The following COL5A3 variants were observed in gnomAD, a reference collection of about 807,000 sequenced individuals.
COL5A3 encodes collagen alpha-3(V) chain.
A neutral mutation model predicts 250.0 loss-of-function variants in COL5A3; 172 were observed. The observed-to-expected ratio is 0.69, with a 90% CI of 0.61 to 0.78. The LOEUF is 0.78. Ranked by LOEUF, COL5A3 falls within the 30% of genes least tolerant of loss-of-function variation. COL5A3 has a pLI of 0.00. For missense variants in COL5A3, 2,340 were observed against 2,334.4 expected (o/e 1.00, Z -0.05); for synonymous variants, 937 against 900.4 (o/e 1.04, Z -0.73).
Position 9,974,184 on chromosome 19 carries a change from T to A in COL5A3, c.3491A>T (p.Asp1164Val). The A allele has an allele frequency of 6.2e-7, 1 of 1,613,728 alleles. No individual in the cohort carries two copies. The highest frequency in any genetic ancestry group is 8.5e-7 in the Non-Finnish European group (1 of 1,179,902). ...GGGAGTGCATACCATGGACCCGACG[T>A]CTCCGACCTCCCCTTTCTCTCCCGG... is the stretch of plus-strand genomic sequence containing the variant. ...GPPGEKGEVGDVGSMGPHGAP... is the reference protein window; with the variant it reads ...GPPGEKGEVGVVGSMGPHGAP... Residue 1164 changes from aspartate (D) to valine (V), a missense_variant, in exon 47 of 67, where the codon GAC becomes GTC. Physicochemically the swap from Asp to Val is radical, Grantham distance 152. Transcript: ENST00000264828.
chr19:9,987,116 C>T (rs553763482), intron 27 of COL5A3, among the ~76,000 whole-genome samples: 1 of 152,266 alleles, frequency 6.6e-6, no homozygotes, highest in East Asian at 1.9e-4. Flanking sequence ...AGCTACAAGG[C>T]GACTCTGTGC....
Position 9,979,232 on chromosome 19 carries a change from G to C in COL5A3, c.2774C>G (p.Thr925Arg), listed in dbSNP as rs552261634. Residue 925 changes from threonine (T) to arginine (R), a missense_variant, in exon 39 of 67, where the codon ACA (threonine) becomes AGA (arginine). By Grantham distance (71) the Thr-to-Arg change is moderately conservative. Coordinates refer to ENST00000264828, the MANE Select transcript of COL5A3 (RefSeq NM_015719.4). ...PAGVLGPQGK[T>R]GEVGPLGERG... ...TTCACCTAGAGGTCCCACTTCTCCT[G>C]TCTTTCCCTGGTGAGGAAGAAGGCT... 12 of 1,608,190 alleles carry C rather than the reference G, an allele frequency of 7.5e-6. No individual in the cohort carries two copies. The African/African-American group carries it at 1.5e-4, about 20-fold the overall frequency.
intron 21 of COL5A3, 66 bp from the exon 22 acceptor site, chr19:9,992,114 G>T: frequency 7.2e-7 from 1 of 1,395,770 alleles, no homozygotes; most frequent in Non-Finnish European, 1.0e-6. Flanking sequence ...CTGAGACACC[G>T]AGAGATGCAG....
intron 45 of COL5A3, among the ~76,000 whole-genome samples, chr19:9,975,098 G>A (rs531368276): frequency 2.0e-5 from 3 of 149,050 alleles, no homozygotes; most frequent in South Asian, 4.2e-4. Flanking sequence ...CTTTTGAGAC[G>A]GAGTCTCCCT....
In COL5A3 at chr19:9,978,614, A is replaced by C; in HGVS notation, c.2978T>G (p.Leu993Ter). The C allele has an allele frequency of 1.3e-6, 2 of 1,571,540 alleles. No homozygotes were observed. Among genetic ancestry groups the C allele is most frequent in the Non-Finnish European group, 1.7e-6 (2 of 1,160,902 alleles). Residue 993 changes from leucine (L) to a stop codon, truncating the protein, a stop_gained, in exon 41 of 67, where the codon TTA (leucine) becomes TGA (stop). Transcript: ENST00000264828. LOFTEE classifies it high-confidence loss of function. ...CCCTGGGGGGCCCTTATCACCCTTT[A>C]AGCCAGTAGGTCCCTGAAGGAGGAG... ...GGPGDPGPTG[L>*]KGDKGPPGPV...
chr19:9,967,834 G>C, intron 61 of COL5A3, 70 bp downstream of exon 61: 1 of 1,453,560 alleles, frequency 6.9e-7, no homozygotes, highest in Non-Finnish European at 9.4e-7. Context: ...CAGAGACGTG[G>C]AGGGTTCTGG....
rs1253619618 is a variant in COL5A3 at position 9,989,364 on chromosome 19, A to G, written c.2049T>C (p.Gly683=). 5.6e-6 allele frequency: 9 copies of G among 1,613,920 alleles called. No homozygotes were observed. Among genetic ancestry groups the G allele is most frequent in the Middle Eastern group, 1.6e-4 (1 of 6,084 alleles). ...CCGTGGGGCCCTCATGTCCTGGGTG[A>G]CCCTGGGGAAGAAACATTCTCAGTT... ...PGLPGSDGPL[G]HPGHEGPTGE... is the part of the protein sequence containing the mutation. Residue 683 remains glycine (G), a splice_region_variant and synonymous_variant, in exon 26 of 67, where the codon GGT becomes GGC. Coordinates refer to ENST00000264828, the MANE Select transcript of COL5A3 (RefSeq NM_015719.4).
At chr19:9,964,081 G>A (rs567479994) in intron 64 of COL5A3, among the ~76,000 whole-genome samples, 1 of 152,168 alleles carries the variant, frequency 6.6e-6, no homozygotes, top group Admixed American at 6.5e-5. Context: ...GCTAAGGCAG[G>A]AGAATTGCTT....
At chr19:9,993,090 G>A (rs1318552283) in intron 19 of COL5A3, 23 bp from the exon 20 acceptor site, 5 of 1,613,316 alleles carry the variant, frequency 3.1e-6, no homozygotes, top group Admixed American at 1.7e-5. Flanking sequence ...GTCATTACTT[G>A]GGAACAGGAA....
chr19:9,971,746 C>T (rs75428388), intron 51 of COL5A3, among the ~76,000 whole-genome samples: 2 of 152,286 alleles, frequency 1.3e-5, no homozygotes, highest in Non-Finnish European at 2.9e-5. Context: ...AATCCCACAT[C>T]CACCCCAAAT....
In COL5A3 at chr19:9,977,264, C is replaced by G. The variant is rs757598023; in HGVS notation, c.3253G>C (p.Gly1085Arg). Residue 1085 changes from glycine (G) to arginine (R), a missense_variant, in exon 44 of 67, where the codon GGA becomes CGA. Transcript: ENST00000264828. ...EGDKGDVGAP[G>R]HKGSKGDKGD... The stretch of plus-strand genomic sequence containing the variant: ...TTATCGCCTTTACTCCCCTTGTGTC[C>G]GGGGGCACCCACATCCCCCTGCAGA... 6 of 1,614,076 alleles carry G rather than the reference C, an allele frequency of 3.7e-6. No individual in the cohort carries two copies. The highest frequency in any genetic ancestry group is 4.2e-6 in the Non-Finnish European group (5 of 1,179,980).
chr19:9,978,971 C>T lies in COL5A3; in HGVS notation c.2884G>A (p.Gly962Arg). The stretch of plus-strand genomic sequence containing the variant: ...TCTTTCCCAAGGGGTCCTGGTGGTC[C>T]CAGTTCCCCCTACAGGAGTGCAAAG... ...EGREGAKGEL[G>R]PPGPLGKEGP... The change falls in exon 40 of 67, where the codon GGA (glycine) becomes AGA (arginine). Residue 962 changes from glycine to arginine, a missense_variant. This residue lies in a region of COL5A3 where 1,179 missense variants were observed against 1,162.6 expected (regional missense o/e 1.01). Coordinates refer to ENST00000264828, the MANE Select transcript of COL5A3 (RefSeq NM_015719.4). 6.5e-7 allele frequency: 1 copy of T among 1,539,936 alleles called. No homozygotes were observed.
At chr19:10,002,540 C>A (rs890797082) in intron 6 of COL5A3, among the ~76,000 whole-genome samples, 1 of 150,412 alleles carries the variant, frequency 6.6e-6, no homozygotes, top group Non-Finnish European at 1.5e-5. Flanking sequence ...GACCCACAAA[C>A]AACCCCTCCC....
chr19:9,989,134 C>A lies in COL5A3; in HGVS notation c.2135G>T (p.Arg712Leu), dbSNP rs777980646. 3.2e-5 allele frequency: 51 copies of A among 1,614,092 alleles called. No homozygotes were observed. Among genetic ancestry groups the A allele is most frequent in the Non-Finnish European group, 4.2e-5 (50 of 1,180,040 alleles). Residue 712 changes from arginine to leucine, a missense_variant, in exon 27 of 67, where the codon CGG (arginine) becomes CTG (leucine). Coordinates refer to ENST00000264828, the MANE Select transcript of COL5A3 (RefSeq NM_015719.4). ...AAGCGTATCACCTACCTTCACTCCCCGAGGTCCAGGATAGCCCGGAGGGCC... is the reference window on the plus strand; with the variant it reads ...AAGCGTATCACCTACCTTCACTCCCAGAGGTCCAGGATAGCCCGGAGGGCC... ...SAGPPGYPGP[R>L]GVKGTSGNRG...
In COL5A3 at chr19:9,996,241, CA is replaced by C. The variant is rs763706149; in HGVS notation, c.1443del (p.Gly482ValfsTer20). The C allele has an allele frequency of 3.2e-6, 5 of 1,576,342 alleles. No homozygotes were observed. The South Asian group carries it at 3.5e-5, about 11-fold the overall frequency. ...GGGCGCCCAGTGAGCCCCACTGGAC[CA>C]GGGGGGCCTTTCATAGAGAGCTGGA... is the stretch of plus-strand genomic sequence containing the variant. Reference protein sequence around the residue: ...QQTQLSMKGPPGPVGLTGRPG... With the variant: ...QQTQLSMKGPXGPVGLTGRPG... On this transcript the variant is annotated frameshift_variant, in exon 14 of 67. Transcript: ENST00000264828. LOFTEE classifies it high-confidence loss of function.
intron 7 of COL5A3, 44 bp downstream of exon 7, chr19:10,001,724 C>A: frequency 1.2e-6 from 2 of 1,612,518 alleles, no homozygotes; most frequent in Non-Finnish European, 8.5e-7. Context: ...TTTTCTGCCA[C>A]CCCCGTAACC....
intron 8 of COL5A3, among the ~76,000 whole-genome samples, chr19:9,999,462 C>CTTTTT: frequency 8.2e-6 from 1 of 122,024 alleles, no homozygotes; most frequent in African/African-American, 3.8e-5. Context: ...TTCTTTTTTT[C>CTTTTT]TTTTTTCTTT....
rs745374932 is a variant in COL5A3, at chr19:9,986,363, C to A, written c.2304G>T (p.Gln768His). Residue 768 changes from glutamine (Q) to histidine (H), a missense_variant, in exon 30 of 67, where the codon CAG becomes CAT. Physicochemically the swap from Gln to His is conservative, Grantham distance 24. Around this residue, in one of 3 missense-constraint regions of COL5A3, gnomAD observed 1,152 missense variants for 1,146.3 expected, o/e 1.00. Coordinates refer to ENST00000264828, the MANE Select transcript of COL5A3 (RefSeq NM_015719.4). ...GEDGPEGPKG[Q>H]AGQAGEEGPP... ...GCCCCTCCTCGCCAGCCTGCCCCGC[C>A]TGCCCCTTCGGCCCCTCAGGACCAT... 23 of 1,603,922 alleles carry A rather than the reference C, an allele frequency of 1.4e-5. No individual in the cohort carries two copies. Among genetic ancestry groups the A allele is most frequent in the Non-Finnish European group, 1.9e-5 (22 of 1,178,090 alleles).
intron 65 of COL5A3, 97 bp from the exon 66 acceptor site, chr19:9,960,987 ACCC>A: frequency 6.9e-7 from 1 of 1,451,664 alleles, no homozygotes; most frequent in South Asian, 1.3e-5. Flanking sequence ...CAGACAAGCC[ACCC>A]CCCCCATGTC....
Sources: allele counts gnomAD v4.1 joint callset (sites outside exome capture counted in the v4.1 genomes callset), GRCh38; gene constraint gnomAD v4.1.1; regional missense constraint gnomAD v4.1.1; transcripts MANE v1.5; gene names NCBI Gene and HGNC (gene_info 2026-07-23, HGNC 2026-07-21).